ANAPC7: variants seen among roughly 807,000 people sequenced by gnomAD.
ANAPC7 encodes anaphase-promoting complex subunit 7.
In ANAPC7, 25 loss-of-function variants were observed where a neutral mutation model predicts 63.3. That is an observed-to-expected ratio of 0.39 (90% CI 0.29 to 0.55). The LOEUF is 0.55. Among genes scored for constraint, ANAPC7 ranks in the 20% least tolerant of loss-of-function variants. The pLI is 0.57. For synonymous variants in ANAPC7, 241 were observed against 251.7 expected, an observed-to-expected ratio of 0.96 and a Z score of 0.40; for missense variants, 516 against 691.7, an observed-to-expected ratio of 0.75 and a Z score of 2.85.
chr12:110,382,782 G>T, intron 7 of ANAPC7, 61 bp downstream of exon 7: 1 of 1,384,890 alleles, frequency 7.2e-7, no homozygotes, highest in Non-Finnish European at 1.0e-6. Flanking sequence ...TTCTCTTCAA[G>T]AGCAACCATT....
chr12:110,380,713 G>A (rs569505167), intron 8 of ANAPC7, among the ~76,000 whole-genome samples: 88 of 149,486 alleles, frequency 5.9e-4, no homozygotes, highest in Non-Finnish European at 8.6e-4. Context: ...CTAGCACTTT[G>A]GGAGGCCGAG....
At chr12:110,400,262 A>C (rs2062210338) in intron 1 of ANAPC7, among the ~76,000 whole-genome samples, 1 of 152,240 alleles carries the variant, frequency 6.6e-6, no homozygotes, top group Non-Finnish European at 1.5e-5. Flanking sequence ...ATACATGTCT[A>C]CTTACACATG....
intron 1 of ANAPC7, among the ~76,000 whole-genome samples, chr12:110,399,003 CAG>C (rs2062183364): frequency 6.6e-6 from 1 of 150,866 alleles, no homozygotes; most frequent in African/African-American, 2.4e-5. Context: ...TATGAAAGAA[CAG>C]AGTGAGCTGA....
At chr12:110,394,334 TA>T (rs947702881) in intron 3 of ANAPC7, among the ~76,000 whole-genome samples, 1 of 147,276 alleles carries the variant, frequency 6.8e-6, no homozygotes. Context: ...CTACCAAAAA[TA>T]AAAAAAATTG....
intron 1 of ANAPC7, among the ~76,000 whole-genome samples, chr12:110,397,997 G>C (rs1188694005): frequency 6.6e-6 from 1 of 152,116 alleles, no homozygotes. Context: ...TGTAATCCGA[G>C]CACTTTGGGA....
At chr12:110,381,674 G>T in intron 8 of ANAPC7, 78 bp downstream of exon 8, 1 of 1,404,110 alleles carries the variant, frequency 7.1e-7, no homozygotes, top group Non-Finnish European at 9.8e-7. Flanking sequence ...GGGAAGTGCT[G>T]GCCTAATGAA....
chr12:110,385,409 T>G (rs1237345760), intron 6 of ANAPC7, among the ~76,000 whole-genome samples: 1 of 152,218 alleles, frequency 6.6e-6, no homozygotes, highest in Non-Finnish European at 1.5e-5. Context: ...CAGATTCCCA[T>G]GAAAATTCCT....
chr12:110,376,675 ACC>A (rs1881313432), intron 9 of ANAPC7, among the ~76,000 whole-genome samples: 1 of 151,512 alleles, frequency 6.6e-6, no homozygotes. Context: ...AATTCAATGA[ACC>A]AAATTATGAG....
At chr12:110,382,458 AAAAATATATATATATAT>A (rs968563999) in intron 7 of ANAPC7, among the ~76,000 whole-genome samples, 6 of 80,488 alleles carry the variant, frequency 7.5e-5, no homozygotes, top group Admixed American at 1.6e-4. Flanking sequence ...AAAAAAAAAA[AAAAATATATATATATAT>A]ATATATATAT....
rs763272079 is a variant in ANAPC7, at chr12:110,374,197, C to T, written c.1645G>A (p.Asp549Asn). The change falls in exon 11 of 11, where the codon GAC becomes AAC. Residue 549 changes from aspartate (D) to asparagine (N), a missense_variant. This residue lies in a region of ANAPC7 where 122 missense variants were observed against 212.0 expected (regional missense o/e 0.58). Coordinates refer to ENST00000455511, the MANE Select transcript of ANAPC7 (RefSeq NM_016238.3). The part of the protein sequence containing the change: ...SGEEGDLEGS[D>N]SEAAQWADQE... ...TCAGCCCACTGGGCCGCCTCACTGT[C>T]GCTGCCCTCCAGGTCCCCTTCTTCC... 4 of 1,613,860 alleles carry T rather than the reference C, an allele frequency of 2.5e-6. No homozygotes were observed. In the South Asian group the frequency reaches 3.3e-5, roughly 13 times the overall value.
At position 110,374,085 on chromosome 12, in the gene ANAPC7, C is replaced by T; in HGVS notation, c.*59G>A. Reference sequence around the variant, plus strand: ...TGAGAGCAGGCTCCTACGGTTCCTTCAGTCCACGGAAGTGCTCAGAGCAGG... The same window carrying T: ...TGAGAGCAGGCTCCTACGGTTCCTTTAGTCCACGGAAGTGCTCAGAGCAGG... On this transcript the variant is annotated 3_prime_UTR_variant, in exon 11 of 11. Coordinates refer to ENST00000455511, the MANE Select transcript of ANAPC7 (RefSeq NM_016238.3). 1 of 1,498,836 alleles carries T rather than the reference C, an allele frequency of 6.7e-7. No individual in the cohort carries two copies. Among genetic ancestry groups the T allele is most frequent in the Non-Finnish European group, 8.9e-7 (1 of 1,124,844 alleles). The allele number at this position is 1,498,836 out of a possible 1,614,324, so 92.8% of individuals were successfully genotyped here. A position where few individuals can be genotyped will look rare whatever the true frequency, so the allele number is the denominator to read the frequency against.
intron 8 of ANAPC7, among the ~76,000 whole-genome samples, chr12:110,379,639 C>T (rs1881628576): frequency 6.6e-6 from 1 of 152,196 alleles, no homozygotes; most frequent in South Asian, 2.1e-4. Flanking sequence ...CTCAACAAAT[C>T]CAGAGGCATA....
chr12:110,382,788 C>T, intron 7 of ANAPC7, 55 bp downstream of exon 7: 3 of 1,410,694 alleles, frequency 2.1e-6, no homozygotes, highest in Non-Finnish European at 3.0e-6. Context: ...TCAAGAGCAA[C>T]CATTATCTCT....
chr12:110,385,152 A>C (rs554421907), intron 6 of ANAPC7, among the ~76,000 whole-genome samples: 5 of 152,264 alleles, frequency 3.3e-5, no homozygotes, highest in South Asian at 4.1e-4. Context: ...CTATAATCCC[A>C]GCTACTCGGG....
chr12:110,379,687 A>G (rs1180199239), intron 8 of ANAPC7, among the ~76,000 whole-genome samples: 1 of 152,178 alleles, frequency 6.6e-6, no homozygotes, highest in Non-Finnish European at 1.5e-5. Context: ...TCTCTTTCCC[A>G]ACATCCAAAT....
Position 110,403,096 on chromosome 12 carries a change from G to A in ANAPC7, c.101+431C>T, listed in dbSNP as rs186412198. 9.9e-5 allele frequency among the ~76,000 whole-genome samples: 15 copies of A among 152,198 alleles called. No homozygotes were observed. In the East Asian group the frequency reaches 2.9e-3, roughly 29 times the overall value. ...AGTGGACCCTCCTGATACACTTAAC[G>A]GGGGGACCAATCTCAGATGCGGGGG... On this transcript the variant is annotated intron_variant, in intron 1 of 10. Coordinates refer to ENST00000455511, the MANE Select transcript of ANAPC7 (RefSeq NM_016238.3).
At chr12:110,383,222 A>AG (rs1476969538) in intron 6 of ANAPC7, 3 of 326,304 alleles carry the variant, frequency 9.2e-6, no homozygotes, top group Non-Finnish European at 1.7e-5. Context: ...GTGGATCACG[A>AG]GGTCAGGAGA....
intron 3 of ANAPC7, among the ~76,000 whole-genome samples, chr12:110,392,171 T>G (rs1358168399): frequency 6.6e-6 from 1 of 151,104 alleles, no homozygotes; most frequent in African/African-American, 2.4e-5. Context: ...TCTTCATCTG[T>G]GCAACAAGAT....
At chr12:110,379,315 A>C (rs866847655) in intron 8 of ANAPC7, among the ~76,000 whole-genome samples, 6 of 152,226 alleles carry the variant, frequency 3.9e-5, no homozygotes, top group Non-Finnish European at 8.8e-5. Context: ...CAGCAAAAGA[A>C]GGAAGCTCCA....
Sources: gnomAD v4.1 joint callset for allele counts (sites outside exome capture counted in the v4.1 genomes callset) on GRCh38, gnomAD v4.1.1 for gene constraint, gnomAD v4.1.1 regional missense constraint, MANE v1.5 for transcripts, NCBI Gene and HGNC (gene_info 2026-07-23, HGNC 2026-07-21) for gene names.